The following RAB38 variants were observed in gnomAD, a reference collection of about 807,000 sequenced individuals.
The protein encoded by RAB38 is ras-related protein Rab-38.
Under a neutral mutation model 18.4 loss-of-function variants are expected in RAB38, and 15 were observed. The observed-to-expected ratio is 0.82, with a 90% CI of 0.55 to 1.26. RAB38 has a LOEUF of 1.26. Among genes scored for constraint, RAB38 ranks in the 50% most tolerant of loss-of-function variants. The pLI is 0.00. For synonymous variants in RAB38, 101 were observed against 104.4 expected (o/e 0.97, Z 0.20); for missense variants, 294 against 267.4 (o/e 1.10, Z -0.69).
chr11:87,974,083 T>C, the RAB38 span, among the ~76,000 whole-genome samples: 31 of 151,808 alleles, frequency 2.0e-4, no homozygotes, highest in African/African-American at 7.2e-4. Flanking sequence ...CAAAATAAAA[T>C]AAAAATTTGT....
At chr11:88,144,303 A>T (rs1216830104) in intron 2 of RAB38, among the ~76,000 whole-genome samples, 1 of 152,212 alleles carries the variant, frequency 6.6e-6, no homozygotes, top group Non-Finnish European at 1.5e-5. Flanking sequence ...AACTTCATCT[A>T]AATTATTTGG....
At chr11:88,057,851 T>C in the RAB38 span, among the ~76,000 whole-genome samples, 1 of 152,080 alleles carries the variant, frequency 6.6e-6, no homozygotes, top group Non-Finnish European at 1.5e-5. Flanking sequence ...CTCTACCCCC[T>C]GCAAAATTAC....
At chr11:88,094,555 T>C in the RAB38 span, among the ~76,000 whole-genome samples, 1 of 151,904 alleles carries the variant, frequency 6.6e-6, no homozygotes, top group East Asian at 1.9e-4. Flanking sequence ...TCCACTTTCC[T>C]CCTAATCCAC....
At chr11:88,174,161 C>T in intron 1 of RAB38, 2 of 882,592 alleles carry the variant, frequency 2.3e-6, no homozygotes, top group Middle Eastern at 5.8e-4. Flanking sequence ...TTCCACTTAA[C>T]AGCGATGCAA....
chr11:87,931,811 A>G, the RAB38 span, among the ~76,000 whole-genome samples: 1 of 152,138 alleles, frequency 6.6e-6, no homozygotes, highest in African/African-American at 2.4e-5. Flanking sequence ...CTGTGTGTTT[A>G]AGTGTGGACA....
chr11:88,013,093 A>T, the RAB38 span, among the ~76,000 whole-genome samples: 1 of 152,170 alleles, frequency 6.6e-6, no homozygotes, highest in African/African-American at 2.4e-5. Flanking sequence ...TTCTGTAGGG[A>T]TAGTAATACA....
chr11:87,923,699 C>T, the RAB38 span, among the ~76,000 whole-genome samples: 7,545 of 151,710 alleles, frequency 0.05, 282 homozygotes, highest in East Asian at 0.16. Context: ...GAAGTCGGTG[C>T]TTTGGATGCA....
the RAB38 span, among the ~76,000 whole-genome samples, chr11:88,092,903 T>C: frequency 6.6e-6 from 1 of 151,654 alleles, no homozygotes; most frequent in African/African-American, 2.4e-5. Flanking sequence ...CTAAGATACA[T>C]AAGATCACAC....
the RAB38 span, among the ~76,000 whole-genome samples, chr11:87,866,049 TATGA>T: frequency 1.3e-5 from 2 of 151,722 alleles, no homozygotes; most frequent in Admixed American, 6.6e-5. Flanking sequence ...TCTCAGAAAG[TATGA>T]ATGAACAATG....
the RAB38 span, among the ~76,000 whole-genome samples, chr11:88,015,572 TC>T: frequency 6.6e-6 from 1 of 152,134 alleles, no homozygotes; most frequent in Admixed American, 6.6e-5. Flanking sequence ...AATGTGTTAA[TC>T]ATACTCTTGT....
At chr11:87,933,851 T>C in the RAB38 span, among the ~76,000 whole-genome samples, 2 of 152,106 alleles carry the variant, frequency 1.3e-5, no homozygotes, top group South Asian at 4.1e-4. Flanking sequence ...TGTTGAGAAG[T>C]TGAGAAGCAA....
At chr11:87,924,970 C>T in the RAB38 span, among the ~76,000 whole-genome samples, 1 of 151,982 alleles carries the variant, frequency 6.6e-6, no homozygotes, top group Non-Finnish European at 1.5e-5. Flanking sequence ...TTCTCCTTTT[C>T]CTCTTCCAGG....
At chr11:87,839,628 T>G in the RAB38 span, among the ~76,000 whole-genome samples, 5 of 152,196 alleles carry the variant, frequency 3.3e-5, no homozygotes, top group African/African-American at 1.2e-4. Flanking sequence ...TATATTACAT[T>G]TTTAACTGTC....
chr11:88,054,076 C>G, the RAB38 span, among the ~76,000 whole-genome samples: 1 of 152,110 alleles, frequency 6.6e-6, no homozygotes, highest in Non-Finnish European at 1.5e-5. Flanking sequence ...ATGTTATGCC[C>G]GCATCACCTG....
intron 2 of RAB38, chr11:88,115,705 C>T (rs912066839): frequency 3.3e-5 from 5 of 152,138 alleles, no homozygotes; most frequent in Non-Finnish European, 5.9e-5. Context: ...TTTCTCTAAG[C>T]CTCCCTTTCC....
chr11:87,825,137 A>C, the RAB38 span, among the ~76,000 whole-genome samples: 1 of 152,300 alleles, frequency 6.6e-6, no homozygotes, highest in South Asian at 2.1e-4. Flanking sequence ...TCCATCAAGA[A>C]TCCTACATCT....
At chr11:88,006,012 A>G in the RAB38 span, among the ~76,000 whole-genome samples, 1 of 151,570 alleles carries the variant, frequency 6.6e-6, no homozygotes, top group Non-Finnish European at 1.5e-5. Context: ...ACAGAATAGA[A>G]GAATATATTT....
chr11:87,813,499 T>TCACACACA, the RAB38 span, among the ~76,000 whole-genome samples: 985 of 146,924 alleles, frequency 6.7e-3, 7 homozygotes, highest in Admixed American at 0.017. Flanking sequence ...ATCATACACA[T>TCACACACA]CACACACACA....
At chr11:87,903,706 C>T in the RAB38 span, among the ~76,000 whole-genome samples, 316 of 150,978 alleles carry the variant, frequency 2.1e-3, no homozygotes, top group African/African-American at 7.4e-3. Flanking sequence ...CTTGGTGGGA[C>T]GTTTATTCAT....
Sources: gnomAD v4.1 joint callset for allele counts (sites outside exome capture counted in the v4.1 genomes callset) on GRCh38, gnomAD v4.1.1 for gene constraint, MANE v1.5 for transcripts, NCBI Gene and HGNC (gene_info 2026-07-23, HGNC 2026-07-21) for gene names.